Variants in ANKFN1 observed in about 807,000 individuals in gnomAD.
The protein encoded by ANKFN1 is ankyrin repeat and fibronectin type-III domain-containing protein 1.
Under a neutral mutation model 108.7 loss-of-function variants are expected in ANKFN1, and 74 were observed. The ratio of observed to expected loss-of-function variants is 0.68; its 90% confidence interval spans 0.56 to 0.83. The LOEUF is 0.83. ANKFN1 is among the 40% of genes least tolerant of loss of function. The probability of loss-of-function intolerance (pLI) is 0.00; values close to 1 mark genes in which losing one functional copy is unlikely to be tolerated. For synonymous variants in ANKFN1, 547 were observed against 516.2 expected, an observed-to-expected ratio of 1.06 and a Z score of -0.81; for missense variants, 1,505 against 1,382.3, an observed-to-expected ratio of 1.09 and a Z score of -1.41.
upstream of ANKFN1, among the ~76,000 whole-genome samples, chr17:56,152,245 AATATAT>A (rs68089845): frequency 2.5e-4 from 33 of 133,814 alleles, no homozygotes; most frequent in African/African-American, 7.8e-4. Context: ...CTTGCAGGGA[AATATAT>A]ATATATATAT....
intron 4 of ANKFN1, among the ~76,000 whole-genome samples, chr17:56,074,560 A>G (rs1371972618): frequency 6.6e-6 from 1 of 152,236 alleles, no homozygotes; most frequent in East Asian, 1.9e-4. Context: ...GAGGGATTTC[A>G]TAGGGCTGCC....
intron 1 of ANKFN1, among the ~76,000 whole-genome samples, chr17:56,198,730 C>A (rs558832738): frequency 6.6e-6 from 1 of 152,264 alleles, no homozygotes; most frequent in East Asian, 1.9e-4. Flanking sequence ...TCCTTTCCTT[C>A]CCCGCTGATC....
rs780417624 is a variant in ANKFN1 at position 56,354,028 on chromosome 17, G to A, written c.583G>A (p.Ala195Thr). ...TGCAAGGATTCTTCTGAGGACAGGG[G>A]CCCGAGAAAGTCCACACTGTAAGTA... is the stretch of plus-strand genomic sequence containing the variant. ...PIARILLRTG[A>T]RESPHFVSLE... Residue 195 changes from alanine to threonine, a missense_variant, in exon 6 of 21, where the codon GCC becomes ACC. Physicochemically the swap from Ala to Thr is moderately conservative, Grantham distance 58. Coordinates refer to ENST00000682825, the MANE Select transcript of ANKFN1 (RefSeq NM_001370326.1). The A allele has an allele frequency of 6.2e-7, 1 of 1,613,770 alleles. No individual in the cohort carries two copies. The highest frequency in any genetic ancestry group is 1.1e-5 in the South Asian group (1 of 91,056).
At chr17:56,401,356 GTAT>G (rs2047756641) in intron 8 of ANKFN1, among the ~76,000 whole-genome samples, 2 of 91,706 alleles carry the variant, frequency 2.2e-5, no homozygotes, top group Non-Finnish European at 4.5e-5. Context: ...GTATTGTATT[GTAT>G]TGTATTGTAT....
rs2051841641 is a variant in ANKFN1 at position 56,513,769 on chromosome 17, A to G, written c.*2500A>G. On this transcript the variant is annotated 3_prime_UTR_variant, in exon 21 of 21. Coordinates refer to ENST00000682825, the MANE Select transcript of ANKFN1 (RefSeq NM_001370326.1). ...TGTGAGGAAAGAAGGCATGCCCACA[A>G]AAAGAATAATGCATGTTACATTTTA... 6.6e-6 allele frequency among the ~76,000 whole-genome samples: 1 copy of G among 152,260 alleles called. No homozygotes were observed. The highest frequency in any genetic ancestry group is 2.4e-5 in the African/African-American group (1 of 41,468).
intron 3 of ANKFN1, among the ~76,000 whole-genome samples, chr17:56,237,390 C>A (rs1917233627): frequency 6.6e-6 from 1 of 152,110 alleles, no homozygotes; most frequent in African/African-American, 2.4e-5. Flanking sequence ...TGGTAGAATT[C>A]TGCTGTGAAT....
At chr17:56,480,938 T>A in intron 17 of ANKFN1, 120 bp downstream of exon 17, 1 of 1,203,880 alleles carries the variant, frequency 8.3e-7, no homozygotes, top group African/African-American at 1.6e-5. Context: ...TTCCTTTACT[T>A]AAACACCACT....
chr17:56,384,272 T>C (rs2047194494), intron 8 of ANKFN1, among the ~76,000 whole-genome samples: 2 of 152,176 alleles, frequency 1.3e-5, no homozygotes, highest in Non-Finnish European at 1.5e-5. Flanking sequence ...TTGATAAAAT[T>C]CAACAACCCT....
At chr17:56,155,987 T>C (rs1909075525) in intron 1 of ANKFN1, among the ~76,000 whole-genome samples, 1 of 152,134 alleles carries the variant, frequency 6.6e-6, no homozygotes, top group Admixed American at 6.5e-5. Flanking sequence ...AGGCCTGGAT[T>C]TGAATCCTGA....
At chr17:56,236,551 A>G (rs893507291) in intron 3 of ANKFN1, among the ~76,000 whole-genome samples, 2 of 152,034 alleles carry the variant, frequency 1.3e-5, no homozygotes, top group Non-Finnish European at 2.9e-5. Context: ...GTATCCTGAA[A>G]CTTTGCCGAA....
chr17:56,075,340 AAGT>A (rs1905168918), intron 4 of ANKFN1, among the ~76,000 whole-genome samples: 1 of 152,166 alleles, frequency 6.6e-6, no homozygotes, highest in African/African-American at 2.4e-5. Flanking sequence ...AATGTACGTG[AAGT>A]ACCTTGCATA....
At chr17:56,192,918 C>T (rs1456816697) in intron 1 of ANKFN1, among the ~76,000 whole-genome samples, 50 of 135,208 alleles carry the variant, frequency 3.7e-4, no homozygotes, top group African/African-American at 1.4e-3. Flanking sequence ...ACCCAAATGA[C>T]TATAAATCAT....
chr17:56,362,539 A>G (rs1243474711), intron 6 of ANKFN1, among the ~76,000 whole-genome samples: 1 of 152,262 alleles, frequency 6.6e-6, no homozygotes, highest in Non-Finnish European at 1.5e-5. Context: ...GGAAAACTGT[A>G]TATCCACATG....
intron 10 of ANKFN1, among the ~76,000 whole-genome samples, chr17:56,445,501 G>A (rs1014267): frequency 0.54 from 81,770 of 152,088 alleles, 26,503 homozygotes; most frequent in East Asian, 0.87. Flanking sequence ...GATTAGTAGG[G>A]ATAACTGGCA....
intron 8 of ANKFN1, among the ~76,000 whole-genome samples, chr17:56,430,031 T>C (rs770841440): frequency 1.3e-5 from 2 of 152,184 alleles, no homozygotes; most frequent in Non-Finnish European, 2.9e-5. Context: ...AGTCTTTCAC[T>C]TGAGTAGGTT....
rs2049743386 is a variant in ANKFN1 at position 56,457,362 on chromosome 17, T to C, written c.1413T>C (p.Ile471=). 1.9e-6 allele frequency: 3 copies of C among 1,600,456 alleles called. No homozygotes were observed. Among genetic ancestry groups the C allele is most frequent in the Non-Finnish European group, 2.5e-6 (3 of 1,176,934 alleles). The part of the protein sequence containing the change: ...VEIDDSHTSS[I]TQDFLWFTKL... ...TAGATGACTCTCACACCAGTTCTAT[T>C]ACACAAGATTTTCTGTGGTTCACGA... The change falls in exon 13 of 21, where the codon ATT becomes ATC. Residue 471 remains isoleucine, a synonymous_variant. Transcript: ENST00000682825.
In ANKFN1 at chr17:56,404,821, G is replaced by A. The variant is rs372120384; in HGVS notation, c.910+30107G>A. Among the ~76,000 whole-genome samples the A allele has an allele frequency of 6.6e-5, 10 of 152,306 alleles. No homozygotes were observed. The East Asian group carries it at 1.2e-3, about 18-fold the overall frequency. On this transcript the variant is annotated intron_variant, in intron 8 of 20. Transcript: ENST00000682825. ...GAGGGAAAGTCTAGGGCTGAAGGCT[G>A]TTGTTCAGATTCTTTTGTTTCATGG...
chr17:56,300,021 G>C (rs533636015), intron 3 of ANKFN1, among the ~76,000 whole-genome samples: 1 of 152,282 alleles, frequency 6.6e-6, no homozygotes, highest in African/African-American at 2.4e-5. Flanking sequence ...CAAGTGCGAG[G>C]TGCATATGGT....
chr17:56,297,843 A>G (rs1167111560), intron 3 of ANKFN1, among the ~76,000 whole-genome samples: 1 of 152,262 alleles, frequency 6.6e-6, no homozygotes, highest in East Asian at 1.9e-4. Context: ...TAATGAGTAT[A>G]GAAAAACTGT....
Sources: gnomAD v4.1 joint callset for allele counts (sites outside exome capture counted in the v4.1 genomes callset) on GRCh38, gnomAD v4.1.1 for gene constraint, MANE v1.5 for transcripts, NCBI Gene and HGNC (gene_info 2026-07-23, HGNC 2026-07-21) for gene names.